Variants in OBP2B observed in about 807,000 individuals in gnomAD.
The protein encoded by OBP2B is odorant-binding protein 2b.
Under a neutral mutation model 21.7 loss-of-function variants are expected in OBP2B, and 10 were observed. The observed-to-expected ratio is 0.46, with a 90% CI of 0.28 to 0.78. OBP2B has a LOEUF of 0.78. Ranked by LOEUF, OBP2B falls within the 30% of genes least tolerant of loss-of-function variation. The pLI, the probability that OBP2B is intolerant of heterozygous loss-of-function variation, is 0.11. For missense variants in OBP2B, 153 were observed against 217.7 expected, an observed-to-expected ratio of 0.70 and a Z score of 1.87; for synonymous variants, 73 against 91.5, an observed-to-expected ratio of 0.80 and a Z score of 1.16.
intron 3 of OBP2B, 75 bp downstream of exon 3, chr9:133,208,056 ACT>A (rs1304799448): frequency 1.3e-6 from 2 of 1,490,358 alleles, no homozygotes; most frequent in Non-Finnish European, 9.0e-7. Flanking sequence ...CAGCCTGGGC[ACT>A]CTCTACCTGT....
chr9:133,220,691 A>G, the OBP2B span, among the ~76,000 whole-genome samples: 4 of 152,322 alleles, frequency 2.6e-5, no homozygotes, highest in East Asian at 7.7e-4. Flanking sequence ...AGATGTCCAC[A>G]TCCTCATCCC....
upstream of OBP2B, among the ~76,000 whole-genome samples, chr9:133,214,202 A>G (rs1487854152): frequency 1.3e-5 from 2 of 152,240 alleles, no homozygotes; most frequent in Non-Finnish European, 2.9e-5. Context: ...AATAGAAGAG[A>G]ACCTCCTTAA....
At chr9:133,219,243 T>C in the OBP2B span, among the ~76,000 whole-genome samples, 1 of 152,156 alleles carries the variant, frequency 6.6e-6, no homozygotes, top group African/African-American at 2.4e-5. Flanking sequence ...CCAAATAGCA[T>C]GCAACCAAAG....
At chr9:133,208,695 T>C (rs1410958712) in intron 1 of OBP2B, 93 bp from the exon 2 acceptor site, 2 of 1,526,074 alleles carry the variant, frequency 1.3e-6, no homozygotes, top group African/African-American at 1.4e-5. Context: ...CAGACACCCA[T>C]GGTGCCCGGC....
chr9:133,209,501 G>T (rs1179831726), upstream of OBP2B, among the ~76,000 whole-genome samples: 1 of 152,116 alleles, frequency 6.6e-6, no homozygotes, highest in East Asian at 1.9e-4. The surrounding 1 kb of genome is among the most constrained non-coding windows in gnomAD (Gnocchi z 6.0). Flanking sequence ...GAGAGGACAG[G>T]GCAGGGTGGT....
At chr9:133,213,901 T>G (rs1267250918), upstream of OBP2B, among the ~76,000 whole-genome samples, 1 of 152,016 alleles carries the variant, frequency 6.6e-6, no homozygotes, top group Non-Finnish European at 1.5e-5. Flanking sequence ...TGAGAGAATA[T>G]CTCCCAACCA....
In OBP2B at chr9:133,208,455, T is replaced by A; in HGVS notation, c.206+14A>T. On this transcript the variant is annotated intron_variant, in intron 2 of 6. Coordinates refer to ENST00000372034, the MANE Select transcript of OBP2B (RefSeq NM_014581.4). ...GAAAGTGGCCTGAGGGGCCCTGCAG[T>A]GGGCAACACTCACATGAAGGTGAAC... 1 of 1,612,090 alleles carries A rather than the reference T, an allele frequency of 6.2e-7. No homozygotes were observed. The highest frequency in any genetic ancestry group is 1.1e-5 in the South Asian group (1 of 90,900).
intron 3 of OBP2B, 43 bp from the exon 4 acceptor site, chr9:133,207,379 T>A: frequency 7.7e-7 from 1 of 1,307,114 alleles, no homozygotes; most frequent in South Asian, 1.2e-5. Context: ...GAGAGAACAC[T>A]CGGGGCCACA....
chr9:133,205,790 C>A, intron 6 of OBP2B, 127 bp downstream of exon 6: 2 of 1,458,762 alleles, frequency 1.4e-6, no homozygotes, highest in Non-Finnish European at 1.9e-6. Context: ...AGGTGCCAAC[C>A]TCGTGCCTGA....
At chr9:133,207,149 A>T (rs1238761253) in intron 4 of OBP2B, 77 bp downstream of exon 4, 19 of 1,010,954 alleles carry the variant, frequency 1.9e-5, no homozygotes, top group Non-Finnish European at 6.3e-6. Flanking sequence ...ATGCCAGGGC[A>T]TGGTGGTGCT....
At chr9:133,212,039 A>G (rs528463817), upstream of OBP2B, among the ~76,000 whole-genome samples, 2 of 152,362 alleles carry the variant, frequency 1.3e-5, no homozygotes, top group African/African-American at 4.8e-5. Context: ...AAAAGAAAGC[A>G]GAAGCATTAT....
chr9:133,217,705 C>T, the OBP2B span, among the ~76,000 whole-genome samples: 2 of 152,304 alleles, frequency 1.3e-5, no homozygotes, highest in South Asian at 4.1e-4. Flanking sequence ...CCAGACCCAG[C>T]CTACATTTCC....
At chr9:133,216,916 G>T in the OBP2B span, among the ~76,000 whole-genome samples, 16 of 151,926 alleles carry the variant, frequency 1.1e-4, no homozygotes, top group East Asian at 3.1e-3. Context: ...AACTGCATGG[G>T]AATCTACAAT....
At chr9:133,220,820 T>C in the OBP2B span, among the ~76,000 whole-genome samples, 1 of 152,142 alleles carries the variant, frequency 6.6e-6, no homozygotes. Flanking sequence ...CAGGGGCCCT[T>C]ATAGGAGAGA....
chr9:133,215,176 G>A, the OBP2B span, among the ~76,000 whole-genome samples: 3 of 152,062 alleles, frequency 2.0e-5, no homozygotes, highest in Non-Finnish European at 4.4e-5. Flanking sequence ...ACTTATAGTG[G>A]CTAAAAAAAA....
At chr9:133,209,628 T>TGGCC (rs1245598831), upstream of OBP2B, among the ~76,000 whole-genome samples, 1 of 152,146 alleles carries the variant, frequency 6.6e-6, no homozygotes, top group Non-Finnish European at 1.5e-5. The surrounding 1 kb of genome is among the most constrained non-coding windows in gnomAD (Gnocchi z 6.0). Flanking sequence ...TCTGGGGAAC[T>TGGCC]GGCCATCTCC....
intron 3 of OBP2B, 22 bp downstream of exon 3, chr9:133,208,111 T>A: frequency 2.4e-6 from 2 of 844,890 alleles, no homozygotes; most frequent in Non-Finnish European, 3.0e-6. Context: ...AGGGTGGGGG[T>A]GGGAGTGGGG....
chr9:133,215,183 A>C, the OBP2B span, among the ~76,000 whole-genome samples: 5 of 152,208 alleles, frequency 3.3e-5, no homozygotes, highest in Admixed American at 1.3e-4. Context: ...GTGGCTAAAA[A>C]AAAGAGATAC....
chr9:133,207,123 G>T (rs1475767873), intron 4 of OBP2B, 103 bp downstream of exon 4: 2 of 813,924 alleles, frequency 2.5e-6, no homozygotes, highest in Non-Finnish European at 4.2e-6. Context: ...CGGCACAGGG[G>T]GCTTCCTTTT....
Sources: gnomAD v4.1 joint callset for allele counts (sites outside exome capture counted in the v4.1 genomes callset) on GRCh38, gnomAD v4.1.1 for gene constraint, Gnocchi (gnomAD v3.1) non-coding constraint, MANE v1.5 for transcripts, NCBI Gene and HGNC (gene_info 2026-07-23, HGNC 2026-07-21) for gene names.